The following CD101 variants were observed in gnomAD, a reference collection of about 807,000 sequenced individuals.
CD101 encodes the protein CD101 molecule.
Under a neutral mutation model 98.2 loss-of-function variants are expected in CD101, and 76 were observed. That is an observed-to-expected ratio of 0.77 (90% CI 0.64 to 0.94). The LOEUF (loss-of-function observed/expected upper bound fraction) is 0.94. CD101 is among the 40% of genes least tolerant of loss of function. The pLI is 0.00. For synonymous variants in CD101, 471 were observed against 472.7 expected, an observed-to-expected ratio of 1.00 and a Z score of 0.05; for missense variants, 1,145 against 1,218.8, an observed-to-expected ratio of 0.94 and a Z score of 0.90.
intron 1 of CD101, among the ~76,000 whole-genome samples, chr1:117,003,100 CCACTGCACT>C (rs1652335213): frequency 6.6e-6 from 1 of 152,016 alleles, no homozygotes; most frequent in South Asian, 2.1e-4. Flanking sequence ...CAAGATTGAG[CCACTGCACT>C]CCAGCCTGGG....
chr1:117,012,159 G>A lies in CD101; in HGVS notation c.841+193G>A, dbSNP rs1652931665. Among the ~76,000 whole-genome samples the A allele has an allele frequency of 6.6e-6, 1 of 152,246 alleles. No homozygotes were observed. The highest frequency in any genetic ancestry group is 1.5e-5 in the Non-Finnish European group (1 of 68,004). ...CACATTCAGTTCTGGCTCTGCCCAC[G>A]GATTCTTTATGGGATAAGGTCTACT... On this transcript the variant is annotated intron_variant, in intron 3 of 9. Coordinates refer to ENST00000682167, the MANE Select transcript of CD101 (RefSeq NM_001256106.3). The surrounding 1 kb of genome is among the most constrained non-coding windows in gnomAD (Gnocchi z 4.0).
Position 117,021,892 on chromosome 1 carries a change from T to A in CD101, c.2337T>A (p.Ala779=). 6.2e-7 allele frequency: 1 copy of A among 1,614,206 alleles called. No homozygotes were observed. The highest frequency in any genetic ancestry group is 2.2e-5 in the East Asian group (1 of 44,884). Residue 779 remains alanine, a synonymous_variant, in exon 7 of 10, where the codon GCT becomes GCA. Coordinates refer to ENST00000682167, the MANE Select transcript of CD101 (RefSeq NM_001256106.3). The surrounding 1 kb of genome is among the most constrained non-coding windows in gnomAD (Gnocchi z 4.7). ...EDSDRGKYHC[A]VEEWLLSTNG... The stretch of plus-strand genomic sequence containing the variant: ...GCGATCGGGGCAAATATCACTGTGC[T>A]GTGGAGGAATGGCTCCTGTCTACAA...
chr1:117,010,183 C>A lies in CD101; in HGVS notation c.377C>A (p.Thr126Asn), dbSNP rs150988152. The A allele has an allele frequency of 9.3e-5, 150 of 1,614,128 alleles. No individual in the cohort carries two copies. The African/African-American group carries it at 1.7e-3, about 18-fold the overall frequency. ...GAGTATGAGTGTCACACACCAAACA[C>A]TGATGAGAAATACTATGGAAGTTAC... ...AGEYECHTPN[T>N]DEKYYGSYSA... Residue 126 changes from threonine (T) to asparagine (N), a missense_variant, in exon 2 of 10, where the codon ACT (threonine) becomes AAT (asparagine). Transcript: ENST00000682167. This position sits in a 1 kb window ranked among gnomAD's most constrained non-coding sequence, Gnocchi z 5.2.
chr1:117,025,950 A>G (rs765683070), intron 8 of CD101, 46 bp downstream of exon 8: 33 of 1,549,356 alleles, frequency 2.1e-5, no homozygotes, highest in East Asian at 4.5e-5. Context: ...AGGAGAATAC[A>G]TGGCTCTCCT....
chr1:117,032,571 G>C (rs1306467343), intron 8 of CD101: 1 of 152,236 alleles, frequency 6.6e-6, no homozygotes. Context: ...ATAATCCCAT[G>C]AATCCTGTAG....
chr1:117,022,038 CT>C lies in CD101; in HGVS notation c.2428+57del, dbSNP rs1570733193. The C allele has an allele frequency of 7.8e-6, 12 of 1,535,134 alleles. No homozygotes were observed. The East Asian group carries it at 2.7e-4, about 35-fold the overall frequency. The stretch of plus-strand genomic sequence containing the variant: ...TCTGTCTGTCTGACGGCTGTTTTCT[CT>C]TGGGCAGCTGTTCTATGGAGTGATT... On this transcript the variant is annotated intron_variant, in intron 7 of 9. Coordinates refer to ENST00000682167, the MANE Select transcript of CD101 (RefSeq NM_001256106.3). The surrounding 1 kb of genome is among the most constrained non-coding windows in gnomAD (Gnocchi z 4.8).
intron 1 of CD101, among the ~76,000 whole-genome samples, chr1:117,009,336 T>C (rs1306534161): frequency 6.6e-6 from 1 of 152,196 alleles, no homozygotes; most frequent in Non-Finnish European, 1.5e-5. Flanking sequence ...TGGCTAGTCT[T>C]GCAACAGACC....
rs1262145407 is a variant in CD101, at chr1:117,033,479, G to A, written c.2825-381G>A. Among the ~76,000 whole-genome samples, 2 of 152,060 alleles carry A rather than the reference G, an allele frequency of 1.3e-5. No homozygotes were observed. The highest frequency in any genetic ancestry group is 4.8e-5 in the African/African-American group (2 of 41,414). On this transcript the variant is annotated intron_variant, in intron 8 of 9. Coordinates refer to ENST00000682167, the MANE Select transcript of CD101 (RefSeq NM_001256106.3). This position sits in a 1 kb window ranked among gnomAD's most constrained non-coding sequence, Gnocchi z 4.8. ...GAGGAGCAGCAGTGGGAATAACTCA[G>A]TTAAAAATTCAGGACTGGCAACACT... is the stretch of plus-strand genomic sequence containing the variant.
In CD101 at chr1:117,022,287, C is replaced by A. The variant is rs3767784; in HGVS notation, c.2428+304C>A. On this transcript the variant is annotated intron_variant, in intron 7 of 9. Transcript: ENST00000682167. This position sits in a 1 kb window ranked among gnomAD's most constrained non-coding sequence, Gnocchi z 4.8. ...GGGTATCGTATCTCCAGATCTCTAT[C>A]ATAACAAGCTGTGTCATTCCAGTGG... Among the ~76,000 whole-genome samples, 46,498 of 151,802 alleles carry A rather than the reference C, an allele frequency of 0.31. 7,671 individuals are homozygous for A. The highest frequency in any genetic ancestry group is 0.6 in the East Asian group (3,106 of 5,136).
At chr1:117,020,402 G>A (rs1653507853) in intron 6 of CD101, among the ~76,000 whole-genome samples, 1 of 152,132 alleles carries the variant, frequency 6.6e-6, no homozygotes, top group South Asian at 2.1e-4. Context: ...AGATTAGCCA[G>A]GCATGGTGGC....
Position 117,021,697 on chromosome 1 carries a change from T to A in CD101, c.2142T>A (p.Tyr714Ter). 6.2e-7 allele frequency: 1 copy of A among 1,614,176 alleles called. No individual in the cohort carries two copies. Residue 714 changes from tyrosine (Y) to a stop codon, truncating the protein, a stop_gained, in exon 7 of 10, where the codon TAT becomes TAA. Transcript: ENST00000682167. LOFTEE classifies it high-confidence loss of function. This position sits in a 1 kb window ranked among gnomAD's most constrained non-coding sequence, Gnocchi z 4.7. ...NGNLQLAIIWYFSPVSTNASW... is the reference protein window; with the variant it reads ...NGNLQLAIIW ...ACCTTCAGTTAGCCATTATTTGGTA[T>A]TTTTCTCCTGTTTCCACTAATGCCT... is the stretch of plus-strand genomic sequence containing the variant.
At chr1:117,029,842 GTT>G (rs1473054269) in intron 8 of CD101, among the ~76,000 whole-genome samples, 4 of 152,242 alleles carry the variant, frequency 2.6e-5, no homozygotes, top group African/African-American at 9.6e-5. Context: ...AGGCAGGAAA[GTT>G]AAGAGACATT....
intron 6 of CD101, among the ~76,000 whole-genome samples, chr1:117,020,077 C>T (rs1291953747): frequency 6.6e-6 from 1 of 152,032 alleles, no homozygotes; most frequent in Non-Finnish European, 1.5e-5. Flanking sequence ...GTGTGGCAAT[C>T]CTTAACCTCT....
Position 117,017,461 on chromosome 1 carries a change from G to GT in CD101, c.1601dup (p.Ser536ValfsTer9). 1 of 1,609,940 alleles carries GT rather than the reference G, an allele frequency of 6.2e-7. No homozygotes were observed. The highest frequency in any genetic ancestry group is 8.5e-7 in the Non-Finnish European group (1 of 1,177,018). ...CTGGACTCAGAAGATTTCAGTTACT[G>GT]TAAAGTCTCTGGGTAAGTGTCAAAG... is the stretch of plus-strand genomic sequence containing the variant. On this transcript the variant is annotated frameshift_variant, in exon 5 of 10. Coordinates refer to ENST00000682167, the MANE Select transcript of CD101 (RefSeq NM_001256106.3). LOFTEE classifies it high-confidence loss of function.
Position 117,025,236 on chromosome 1 carries a change from G to A in CD101, c.2429-273G>A, listed in dbSNP as rs183590137. Among the ~76,000 whole-genome samples, 5 of 152,258 alleles carry A rather than the reference G, an allele frequency of 3.3e-5. No individual in the cohort carries two copies. In the East Asian group the frequency reaches 5.8e-4, roughly 18 times the overall value. On this transcript the variant is annotated intron_variant, in intron 7 of 9. Coordinates refer to ENST00000682167, the MANE Select transcript of CD101 (RefSeq NM_001256106.3). ...AAATCAGCTGGGCATGGTGGCACAC[G>A]CCTGTAATCCCAGCCACTTGGGAGG...
Position 117,010,003 on chromosome 1 carries a change from C to T in CD101, c.197C>T (p.Pro66Leu), listed in dbSNP as rs758745418. ...TGGTCTGTTTACCTGCCGACAAACC[C>T]GACCCAGGAAGTCCAGATCATTAGC... ...FQWSVYLPTNPTQEVQIISTK... is the reference protein window; with the variant it reads ...FQWSVYLPTNLTQEVQIISTK... Residue 66 changes from proline to leucine, a missense_variant, in exon 2 of 10, where the codon CCG becomes CTG. By Grantham distance (98) the Pro-to-Leu change is moderately conservative (BLOSUM62 -3). Transcript: ENST00000682167. The surrounding 1 kb of genome is among the most constrained non-coding windows in gnomAD (Gnocchi z 5.2). 22 of 1,614,054 alleles carry T rather than the reference C, an allele frequency of 1.4e-5. No individual in the cohort carries two copies. Among genetic ancestry groups the T allele is most frequent in the African/African-American group, 1.3e-4 (10 of 74,920 alleles).
intron 8 of CD101, among the ~76,000 whole-genome samples, chr1:117,028,209 T>C (rs573589562): frequency 2.0e-5 from 3 of 152,300 alleles, no homozygotes; most frequent in Admixed American, 6.5e-5. Context: ...AGGCCTGAGC[T>C]AAGGCGGTAC....
intron 8 of CD101, among the ~76,000 whole-genome samples, chr1:117,029,865 A>T (rs747866517): frequency 3.3e-5 from 5 of 152,206 alleles, no homozygotes; most frequent in Non-Finnish European, 7.3e-5. Context: ...TTCTCGGAGA[A>T]TGGACCTTGC....
Position 117,005,905 on chromosome 1 carries a change from C to G in CD101, c.44-3945C>G, listed in dbSNP as rs150200818. ...GAAAGGATTCGATTACAAATATTTT[C>G]AAAGGGTTAAAGTCTATTTAACCCT... On this transcript the variant is annotated intron_variant, in intron 1 of 9. Transcript: ENST00000682167. This position sits in a 1 kb window ranked among gnomAD's most constrained non-coding sequence, Gnocchi z 4.4. Among the ~76,000 whole-genome samples, 2,942 of 151,938 alleles carry G rather than the reference C, an allele frequency of 0.019. 44 individuals are homozygous for G. The highest frequency in any genetic ancestry group is 0.032 in the Non-Finnish European group (2,196 of 67,934).
Sources: gnomAD v4.1 joint callset for allele counts (sites outside exome capture counted in the v4.1 genomes callset) on GRCh38, gnomAD v4.1.1 for gene constraint, Gnocchi (gnomAD v3.1) non-coding constraint, MANE v1.5 for transcripts, NCBI Gene and HGNC (gene_info 2026-07-23, HGNC 2026-07-21) for gene names.